Variants in RPGRIP1L observed in about 807,000 individuals in gnomAD.
RPGRIP1L encodes the protein protein fantom.
Under a neutral mutation model 160.4 loss-of-function variants are expected in RPGRIP1L, and 131 were observed. The observed-to-expected ratio is 0.82, with a 90% confidence interval of 0.71 to 0.94. The LOEUF (loss-of-function observed/expected upper bound fraction) is 0.94. Ranked by LOEUF, RPGRIP1L falls within the 40% of genes least tolerant of loss-of-function variation. The pLI, the probability that RPGRIP1L is intolerant of heterozygous loss-of-function variation, is 0.00. For missense variants in RPGRIP1L, 1,522 were observed against 1,535.8 expected (o/e 0.99, Z 0.15); for synonymous variants, 510 against 515.8 (o/e 0.99, Z 0.15).
At chr16:53,628,245 A>G (rs1391955472) in intron 22 of RPGRIP1L, 2 of 152,276 alleles carry the variant, frequency 1.3e-5, no homozygotes, top group South Asian at 4.1e-4. Context: ...GAAGGCCAAG[A>G]TCTATGTCAA....
At chr16:53,641,623 A>C (rs1008133077) in intron 17 of RPGRIP1L, 148 bp from the exon 18 acceptor site, 4 of 723,104 alleles carry the variant, frequency 5.5e-6, no homozygotes, top group Non-Finnish European at 9.1e-6. Flanking sequence ...TTTAAAAATA[A>C]TTTTGGCTTT....
chr16:53,643,675 A>G (rs899092741), intron 17 of RPGRIP1L, among the ~76,000 whole-genome samples: 2 of 152,248 alleles, frequency 1.3e-5, no homozygotes, highest in Non-Finnish European at 2.9e-5. Flanking sequence ...AACAAAACTT[A>G]GCTGAAACAT....
At chr16:53,651,000 C>T (rs1224301994) in intron 15 of RPGRIP1L, among the ~76,000 whole-genome samples, 1 of 152,146 alleles carries the variant, frequency 6.6e-6, no homozygotes, top group Admixed American at 6.5e-5. Context: ...CTAACAACTC[C>T]CACTTTTATA....
chr16:53,680,133 G>A (rs1969496304), intron 6 of RPGRIP1L, among the ~76,000 whole-genome samples: 1 of 152,110 alleles, frequency 6.6e-6, no homozygotes, highest in South Asian at 2.1e-4. Context: ...AAAGTGGCAG[G>A]AGGCTATGTT....
intron 22 of RPGRIP1L, among the ~76,000 whole-genome samples, chr16:53,629,003 T>C (rs1286103086): frequency 6.6e-6 from 1 of 152,066 alleles, no homozygotes; most frequent in Non-Finnish European, 1.5e-5. Context: ...TGTGTATAAA[T>C]GTGTATAAAT....
intron 22 of RPGRIP1L, among the ~76,000 whole-genome samples, chr16:53,625,414 C>T (rs1189976438): frequency 3.1e-4 from 46 of 146,642 alleles, no homozygotes; most frequent in African/African-American, 1.1e-3. Flanking sequence ...GCCTGGCGGC[C>T]GCCCCGTCTG....
At chr16:53,655,476 A>AGTGGAC (rs1225860174) in intron 14 of RPGRIP1L, 1 of 152,194 alleles carries the variant, frequency 6.6e-6, no homozygotes, top group Non-Finnish European at 1.5e-5. Flanking sequence ...TATGGTACGT[A>AGTGGAC]GTGGACGTGG....
At chr16:53,685,005 C>A (rs949976842) in intron 6 of RPGRIP1L, among the ~76,000 whole-genome samples, 1 of 151,558 alleles carries the variant, frequency 6.6e-6, no homozygotes, top group Admixed American at 6.6e-5. Flanking sequence ...GGAACTTAAA[C>A]AAATTTACAA....
chr16:53,605,460 G>T, intron 26 of RPGRIP1L, 21 bp downstream of exon 26: 2 of 1,613,978 alleles, frequency 1.2e-6, no homozygotes, highest in Non-Finnish European at 1.7e-6. Flanking sequence ...TGCACAAACT[G>T]AGCAACACTT....
At chr16:53,647,083 A>G (rs1323900546) in intron 16 of RPGRIP1L, among the ~76,000 whole-genome samples, 2 of 152,184 alleles carry the variant, frequency 1.3e-5, no homozygotes, top group Non-Finnish European at 2.9e-5. Flanking sequence ...AAAAGCTTTA[A>G]ACTACAAAAC....
At position 53,686,519 on chromosome 16, in the gene RPGRIP1L, C is replaced by G. The variant is rs377418936; in HGVS notation, c.690G>C (p.Glu230Asp). The G allele has an allele frequency of 1.9e-6, 3 of 1,613,698 alleles. No individual in the cohort carries two copies. Among genetic ancestry groups the G allele is most frequent in the Non-Finnish European group, 2.5e-6 (3 of 1,179,784 alleles). ...GQIEELEHLAEILKTQLRRKE... is the reference protein window; with the variant it reads ...GQIEELEHLADILKTQLRRKE... Reference sequence around the variant, plus strand: ...TTCTCCTCAACTGAGTTTTCAGGATCTCAGCCAAGTGCTCTAACTCCTCTA... The same window carrying G: ...TTCTCCTCAACTGAGTTTTCAGGATGTCAGCCAAGTGCTCTAACTCCTCTA... Residue 230 changes from glutamate (E) to aspartate (D), a missense_variant, in exon 6 of 27, where the codon GAG becomes GAC. Transcript: ENST00000647211.
Position 53,638,419 on chromosome 16 carries a change from T to C in RPGRIP1L, c.2959-8A>G. The C allele has an allele frequency of 2.1e-6, 3 of 1,411,240 alleles. No homozygotes were observed. Among genetic ancestry groups the C allele is most frequent in the Non-Finnish European group, 1.0e-6 (1 of 996,102 alleles). 87.4% of individuals were successfully genotyped at this position (1,411,240 alleles called of 1,614,324 possible). On this transcript the variant is annotated splice_region_variant and splice_polypyrimidine_tract_variant and intron_variant, in intron 19 of 26. Coordinates refer to ENST00000647211, the MANE Select transcript of RPGRIP1L (RefSeq NM_015272.5). ...AGGAGGAGGAGAAGTCTCCTTATAT[T>C]AATGTGAAAACACGCATGTATGTCA...
intron 20 of RPGRIP1L, 69 bp from the exon 21 acceptor site, chr16:53,637,923 A>C: frequency 1.4e-6 from 2 of 1,460,078 alleles, no homozygotes; most frequent in Non-Finnish European, 1.9e-6. Flanking sequence ...TTATTGCTGG[A>C]ACAGTTGAAT....
chr16:53,679,675 T>G (rs189513808), intron 6 of RPGRIP1L, among the ~76,000 whole-genome samples: 12 of 152,324 alleles, frequency 7.9e-5, no homozygotes, highest in Non-Finnish European at 1.5e-4. Context: ...TTTCATTTCT[T>G]GATAGAATTG....
chr16:53,652,657 G>A lies in RPGRIP1L; in HGVS notation c.2030C>T (p.Thr677Ile), dbSNP rs532768944. The change falls in exon 15 of 27, where the codon ACT becomes ATT. Residue 677 changes from threonine to isoleucine, a missense_variant. Coordinates refer to ENST00000647211, the MANE Select transcript of RPGRIP1L (RefSeq NM_015272.5). ...DLFLQYIQKN[T>I]ITLEVHQAYS... ...AGCCTGGTGGACCTCAAGGGTGATAGTATTCTTCTGAATATATTGCAAAAA... is the reference window on the plus strand; with the variant it reads ...AGCCTGGTGGACCTCAAGGGTGATAATATTCTTCTGAATATATTGCAAAAA... 518 of 1,613,434 alleles carry A rather than the reference G, an allele frequency of 3.2e-4. 8 individuals carry two copies. In the South Asian group the frequency reaches 5.2e-3, roughly 16 times the overall value.
intron 26 of RPGRIP1L, 44 bp from the exon 27 acceptor site, chr16:53,602,232 T>A (rs1436981725): frequency 1.5e-6 from 2 of 1,371,892 alleles, no homozygotes; most frequent in Admixed American, 1.7e-5. Context: ...ATTCAACAGA[T>A]TTTTCTTTGG....
rs1306118207 is a variant in RPGRIP1L, at chr16:53,598,350, A to C, written c.*3726T>G. 1 of 152,146 alleles carries C rather than the reference A, an allele frequency of 6.6e-6. No individual in the cohort carries two copies. The highest frequency in any genetic ancestry group is 1.5e-5 in the Non-Finnish European group (1 of 68,024). 9.4% of individuals were successfully genotyped at this position (152,146 alleles called of 1,614,324 possible). ...AAGAGTACCAGATTGCACTTCCAAAAGCCTGAAGGAAAAACATAGCTTGAT... is the reference window on the plus strand; with the variant it reads ...AAGAGTACCAGATTGCACTTCCAAACGCCTGAAGGAAAAACATAGCTTGAT... On this transcript the variant is annotated 3_prime_UTR_variant, in exon 27 of 27. Transcript: ENST00000647211.
At chr16:53,656,252 G>A (rs951788227) in intron 14 of RPGRIP1L, among the ~76,000 whole-genome samples, 2 of 152,014 alleles carry the variant, frequency 1.3e-5, no homozygotes, top group Admixed American at 6.6e-5. Context: ...TTGAGCCCAG[G>A]AGTTTGAGAT....
chr16:53,688,961 T>C (rs1970205514), intron 4 of RPGRIP1L, among the ~76,000 whole-genome samples: 1 of 151,804 alleles, frequency 6.6e-6, no homozygotes, highest in South Asian at 2.1e-4. Context: ...TTCTTACGCT[T>C]TTCCTACATA....
Sources: gnomAD v4.1 joint callset for allele counts (sites outside exome capture counted in the v4.1 genomes callset) on GRCh38, gnomAD v4.1.1 for gene constraint, MANE v1.5 for transcripts, NCBI Gene and HGNC (gene_info 2026-07-23, HGNC 2026-07-21) for gene names.